Variants in GALNT2 observed in about 807,000 individuals in gnomAD.
The protein encoded by GALNT2 is polypeptide N-acetylgalactosaminyltransferase 2, also known as UDP-GalNAc:polypeptide N-acetylgalactosaminyltransferase 2.
Under a neutral mutation model 81.4 loss-of-function variants are expected in GALNT2, and 31 were observed. The observed-to-expected ratio is 0.38, with a 90% CI of 0.29 to 0.51. The LOEUF is 0.51. GALNT2 is among the 20% of genes least tolerant of loss of function. The pLI, the probability that GALNT2 is intolerant of heterozygous loss-of-function variation, is 0.87. For synonymous variants in GALNT2, 303 were observed against 287.4 expected, an observed-to-expected ratio of 1.05 and a Z score of -0.55; for missense variants, 629 against 765.7, an observed-to-expected ratio of 0.82 and a Z score of 2.11.
At chr1:230,082,078 C>T (rs781386443) in intron 1 of GALNT2, among the ~76,000 whole-genome samples, 4 of 152,196 alleles carry the variant, frequency 2.6e-5, no homozygotes, top group Non-Finnish European at 4.4e-5. Context: ...TCAGTGGTGA[C>T]ATCAGGTGTG....
At chr1:230,152,197 C>G (rs944896471) in intron 1 of GALNT2, among the ~76,000 whole-genome samples, 2 of 152,188 alleles carry the variant, frequency 1.3e-5, no homozygotes, top group African/African-American at 4.8e-5. Flanking sequence ...AACTCCTATT[C>G]AAGATGGAGT....
In GALNT2 at chr1:230,270,245, A is replaced by G. The variant is rs141194513; in HGVS notation, c.1441-4200A>G. On this transcript the variant is annotated intron_variant, in intron 14 of 15. Transcript: ENST00000366672. ...TTTAAAAAATAGGAGTTGAGGAGCA[A>G]GCGTTTTCTAGTGGAAAGATGAACA... Among the ~76,000 whole-genome samples the G allele has an allele frequency of 2.7e-3, 405 of 152,316 alleles. 2 individuals are homozygous for G. The highest frequency in any genetic ancestry group is 9.3e-3 in the African/African-American group (387 of 41,568).
At chr1:230,144,460 C>T (rs959257036) in intron 1 of GALNT2, among the ~76,000 whole-genome samples, 6 of 152,222 alleles carry the variant, frequency 3.9e-5, no homozygotes, top group South Asian at 2.1e-4. Context: ...ATGTGAAGGG[C>T]GGTTTGTGTT....
At chr1:230,223,244 C>A (rs1664605667) in intron 3 of GALNT2, among the ~76,000 whole-genome samples, 2 of 146,508 alleles carry the variant, frequency 1.4e-5, no homozygotes, top group Non-Finnish European at 1.5e-5. Flanking sequence ...CCAGGCTGTC[C>A]TTGAACAAGT....
At position 230,271,440 on chromosome 1, in the gene GALNT2, G is replaced by A. The variant is rs185202047; in HGVS notation, c.1441-3005G>A. On this transcript the variant is annotated intron_variant, in intron 14 of 15. Coordinates refer to ENST00000366672, the MANE Select transcript of GALNT2 (RefSeq NM_004481.5). This position sits in a 1 kb window ranked among gnomAD's most constrained non-coding sequence, Gnocchi z 4.2. Reference sequence around the variant, plus strand: ...TTCTCCAATTCTCTGCGGACACTGAGTGTCATGCCTGTCAACTCAGTTCTG... The same window carrying A: ...TTCTCCAATTCTCTGCGGACACTGAATGTCATGCCTGTCAACTCAGTTCTG... Among the ~76,000 whole-genome samples the A allele has an allele frequency of 4.6e-5, 7 of 152,292 alleles. No individual in the cohort carries two copies. In the East Asian group the frequency reaches 1.2e-3, roughly 25 times the overall value.
intron 2 of GALNT2, among the ~76,000 whole-genome samples, chr1:230,190,673 T>C (rs1663493696): frequency 1.3e-5 from 2 of 152,108 alleles, no homozygotes; most frequent in Admixed American, 6.5e-5. Flanking sequence ...GGGGCCTTTT[T>C]CTATGGGCAG....
chr1:230,280,433 C>T lies in GALNT2; in HGVS notation c.*975C>T, dbSNP rs1666406074. 5.2e-6 allele frequency: 1 copy of T among 193,416 alleles called. No homozygotes were observed. Among genetic ancestry groups the T allele is most frequent in the Non-Finnish European group, 1.1e-5 (1 of 91,436 alleles). 12.0% of individuals were successfully genotyped at this position (193,416 alleles called of 1,614,324 possible). On this transcript the variant is annotated 3_prime_UTR_variant, in exon 16 of 16. Transcript: ENST00000366672. ...CTTTGGGTCTTTTTACATTAAATTT[C>T]TTTTCTCTAAGGAATATAAGACATA...
intron 1 of GALNT2, among the ~76,000 whole-genome samples, chr1:230,074,784 C>T (rs1224127939): frequency 6.6e-6 from 1 of 152,190 alleles, no homozygotes; most frequent in East Asian, 1.9e-4. Flanking sequence ...CATCTCAGCC[C>T]TTTTATTTCT....
rs546150190 is a variant in GALNT2, at chr1:230,201,890, C to G, written c.221-1247C>G. Among the ~76,000 whole-genome samples, 8 of 152,312 alleles carry G rather than the reference C, an allele frequency of 5.3e-5. No individual in the cohort carries two copies. In the East Asian group the frequency reaches 1.4e-3, roughly 26 times the overall value. Reference sequence around the variant, plus strand: ...TCTTGCTAGGCCTTACCAGACCACCCCATAAAGAACAGGAACCCTGTACTC... The same window carrying G: ...TCTTGCTAGGCCTTACCAGACCACCGCATAAAGAACAGGAACCCTGTACTC... On this transcript the variant is annotated intron_variant, in intron 2 of 15. Coordinates refer to ENST00000366672, the MANE Select transcript of GALNT2 (RefSeq NM_004481.5).
In GALNT2 at chr1:230,243,550, G is replaced by A. The variant is rs941821554; in HGVS notation, c.729+123G>A. 2.4e-6 allele frequency: 3 copies of A among 1,244,624 alleles called. No individual in the cohort carries two copies. The highest frequency in any genetic ancestry group is 2.8e-5 in the East Asian group (1 of 35,616). The allele number at this position is 1,244,624 out of a possible 1,614,324, so 77.1% of individuals were successfully genotyped here. A position where few individuals can be genotyped will look rare whatever the true frequency, so the allele number is the denominator to read the frequency against. ...GGGCGTCAGGGCTGGTAGGGGCTGA[G>A]CTCGCCGTCTGCAGTTTTCCTTGAT... On this transcript the variant is annotated intron_variant, in intron 7 of 15. Coordinates refer to ENST00000366672, the MANE Select transcript of GALNT2 (RefSeq NM_004481.5). This position sits in a 1 kb window ranked among gnomAD's most constrained non-coding sequence, Gnocchi z 4.2.
chr1:230,079,871 G>T lies in GALNT2; in HGVS notation c.126+12465G>T, dbSNP rs1160148281. On this transcript the variant is annotated intron_variant, in intron 1 of 15. Transcript: ENST00000366672. ...ATGTCCCTATGGAGAGGGTTGCTGA[G>T]GCTCAGCCTCCATCTGCACTTCAGT... is the stretch of plus-strand genomic sequence containing the variant. Among the ~76,000 whole-genome samples the T allele has an allele frequency of 2.6e-5, 4 of 152,158 alleles. No homozygotes were observed. In the East Asian group the frequency reaches 7.7e-4, roughly 29 times the overall value.
At chr1:230,180,422 A>G (rs984524505) in intron 2 of GALNT2, among the ~76,000 whole-genome samples, 1 of 146,716 alleles carries the variant, frequency 6.8e-6, no homozygotes, top group Non-Finnish European at 1.5e-5. Flanking sequence ...AGTTGGCAAT[A>G]TTCGTATGGT....
At chr1:230,197,270 T>G (rs978898764) in intron 2 of GALNT2, among the ~76,000 whole-genome samples, 1 of 152,170 alleles carries the variant, frequency 6.6e-6, no homozygotes, top group Non-Finnish European at 1.5e-5. Flanking sequence ...CCCCGCCTTC[T>G]CACTTCTCAC....
chr1:230,267,648 G>A (rs1212732493), intron 14 of GALNT2, among the ~76,000 whole-genome samples: 1 of 152,232 alleles, frequency 6.6e-6, no homozygotes, highest in Non-Finnish European at 1.5e-5. Flanking sequence ...ACTCGTCACA[G>A]GCCCCACCCG....
intron 1 of GALNT2, among the ~76,000 whole-genome samples, chr1:230,176,660 C>T (rs150338636): frequency 6.6e-6 from 1 of 152,280 alleles, no homozygotes; most frequent in East Asian, 1.9e-4. Flanking sequence ...ATTCTCTCAC[C>T]GTTGCCTATC....
rs1553256987 is a variant in GALNT2, at chr1:230,107,644, G to GT, written c.126+40238_126+40239insT. On this transcript the variant is annotated intron_variant, in intron 1 of 15. Coordinates refer to ENST00000366672, the MANE Select transcript of GALNT2 (RefSeq NM_004481.5). The stretch of plus-strand genomic sequence containing the variant: ...TGTGTGTGTGTGTGTGTGTGTGTGT[G>GT]GTTGGTTGGTTGGTTTAAGCCATGG... 1.8e-3 allele frequency among the ~76,000 whole-genome samples: 269 copies of GT among 147,740 alleles called. 3 individuals carry two copies. Among genetic ancestry groups the GT allele is most frequent in the African/African-American group, 5.9e-3 (230 of 39,028 alleles).
intron 2 of GALNT2, among the ~76,000 whole-genome samples, chr1:230,196,527 A>T (rs1168649616): frequency 1.3e-5 from 2 of 152,206 alleles, no homozygotes; most frequent in East Asian, 3.9e-4. Flanking sequence ...GGTCACCCAT[A>T]CATTCCTCAG....
intron 1 of GALNT2, among the ~76,000 whole-genome samples, chr1:230,088,959 G>T (rs1216836717): frequency 6.6e-6 from 1 of 152,056 alleles, no homozygotes; most frequent in Non-Finnish European, 1.5e-5. Flanking sequence ...TGCGTCTGTG[G>T]ATTTATCCAT....
intron 1 of GALNT2, among the ~76,000 whole-genome samples, chr1:230,163,110 T>C (rs936343374): frequency 6.6e-6 from 1 of 152,216 alleles, no homozygotes; most frequent in Non-Finnish European, 1.5e-5. Context: ...CGTGAATCTT[T>C]GGCTTACAGA....
Sources: allele counts gnomAD v4.1 joint callset (sites outside exome capture counted in the v4.1 genomes callset), GRCh38; gene constraint gnomAD v4.1.1; non-coding constraint Gnocchi (gnomAD v3.1); transcripts MANE v1.5; gene names NCBI Gene and HGNC (gene_info 2026-07-23, HGNC 2026-07-21).